The following ASPRV1 variants were observed in gnomAD, a reference collection of about 807,000 sequenced individuals.
ASPRV1 encodes the protein retroviral-like aspartic protease 1.
A neutral mutation model predicts 11.0 loss-of-function variants in ASPRV1; 7 were observed. The ratio of observed to expected loss-of-function variants is 0.64; its 90% CI spans 0.36 to 1.20. The LOEUF (loss-of-function observed/expected upper bound fraction) is 1.20. Among genes scored for constraint, ASPRV1 ranks in the 50% most tolerant of loss-of-function variants. The probability of loss-of-function intolerance (pLI) is 0.02; values close to 1 mark genes in which losing one functional copy is unlikely to be tolerated. For missense variants in ASPRV1, 299 were observed against 320.0 expected (o/e 0.93, Z 0.50); for synonymous variants, 136 against 138.4 (o/e 0.98, Z 0.12).
At chr2:70,014,482 TC>T in the ASPRV1 span, 2 of 152,134 alleles carry the variant, frequency 1.3e-5, no homozygotes, top group African/African-American at 4.8e-5. Context: ...CTTAAAAATT[TC>T]TGTGCAACAG....
At chr2:70,084,857 C>T in the ASPRV1 span, among the ~76,000 whole-genome samples, 1 of 152,128 alleles carries the variant, frequency 6.6e-6, no homozygotes, top group East Asian at 1.9e-4. Flanking sequence ...GTCATCGTTG[C>T]TGTTATGTAC....
the ASPRV1 span, among the ~76,000 whole-genome samples, chr2:70,007,518 C>CA: frequency 1.4e-3 from 189 of 130,466 alleles, 2 homozygotes; most frequent in South Asian, 9.5e-4. Flanking sequence ...AACCCTGCCT[C>CA]AAAAAAAAAA....
the ASPRV1 span, among the ~76,000 whole-genome samples, chr2:70,042,129 T>C: frequency 1.3e-5 from 2 of 152,218 alleles, no homozygotes; most frequent in East Asian, 1.9e-4. Context: ...TTAAATACGT[T>C]TGAAAAATGT....
the ASPRV1 span, chr2:70,000,480 G>A: frequency 6.6e-6 from 1 of 151,320 alleles, no homozygotes; most frequent in African/African-American, 2.4e-5. Flanking sequence ...GAAAAATGGA[G>A]AAATATATCA....
chr2:70,053,319 A>G, the ASPRV1 span, among the ~76,000 whole-genome samples: 1 of 152,066 alleles, frequency 6.6e-6, no homozygotes, highest in East Asian at 1.9e-4. Flanking sequence ...GAAACTTCCC[A>G]AAGGTGAAAT....
chr2:69,937,783 T>A, the ASPRV1 span, among the ~76,000 whole-genome samples: 1 of 152,006 alleles, frequency 6.6e-6, no homozygotes, highest in Non-Finnish European at 1.5e-5. Flanking sequence ...CCTGGCAAAT[T>A]TTCCTATTTT....
chr2:70,040,105 G>T, the ASPRV1 span, among the ~76,000 whole-genome samples: 4 of 152,310 alleles, frequency 2.6e-5, no homozygotes, highest in African/African-American at 9.6e-5. Context: ...AAGAAACTCA[G>T]AAGAGAGAAA....
the ASPRV1 span, among the ~76,000 whole-genome samples, chr2:69,971,614 T>A: frequency 1.3e-5 from 2 of 152,236 alleles, no homozygotes; most frequent in Non-Finnish European, 2.9e-5. Context: ...AGATTCATTA[T>A]AATTAGATTC....
the ASPRV1 span, chr2:69,996,843 A>G: frequency 2.4e-6 from 1 of 422,462 alleles, no homozygotes. Context: ...ATGCTGATGG[A>G]TAAGGGTTAA....
At chr2:69,992,845 A>T in the ASPRV1 span, among the ~76,000 whole-genome samples, 1 of 152,242 alleles carries the variant, frequency 6.6e-6, no homozygotes, top group Non-Finnish European at 1.5e-5. Context: ...TAGGATGTGC[A>T]ATGCATTACA....
the ASPRV1 span, among the ~76,000 whole-genome samples, chr2:70,084,953 A>T: frequency 2.0e-5 from 3 of 152,230 alleles, no homozygotes; most frequent in Non-Finnish European, 2.9e-5. Context: ...AAAGGCAAAA[A>T]GCCCTTCTCT....
the ASPRV1 span, among the ~76,000 whole-genome samples, chr2:69,945,868 C>T: frequency 4.0e-4 from 61 of 152,178 alleles, no homozygotes; most frequent in Non-Finnish European, 7.4e-4. Flanking sequence ...CTAGGATGCT[C>T]TTGGCCTTGC....
At chr2:69,999,875 C>T in the ASPRV1 span, among the ~76,000 whole-genome samples, 105 of 151,852 alleles carry the variant, frequency 6.9e-4, 1 homozygote, top group Admixed American at 3.3e-4. Flanking sequence ...CTGTGAGTCA[C>T]CCCGGGCTCC....
chr2:69,958,814 GCCTTCTCCAGTTCTCTCACCC>G (rs1452600561), downstream of ASPRV1, among the ~76,000 whole-genome samples: 1 of 152,070 alleles, frequency 6.6e-6, no homozygotes, highest in Non-Finnish European at 1.5e-5. Context: ...TTCCCCCATC[GCCTTCTCCAGTTCTCTCACCC>G]CCTTCTCCAG....
chr2:69,948,244 T>C, the ASPRV1 span, among the ~76,000 whole-genome samples: 1 of 152,120 alleles, frequency 6.6e-6, no homozygotes, highest in Non-Finnish European at 1.5e-5. Context: ...TGAGACCCTG[T>C]CTCAAACAAA....
chr2:70,062,529 G>A, the ASPRV1 span, among the ~76,000 whole-genome samples: 1 of 152,162 alleles, frequency 6.6e-6, no homozygotes, highest in African/African-American at 2.4e-5. Context: ...CATAGCTCTA[G>A]GAACAAGGCT....
chr2:70,021,298 C>G, the ASPRV1 span, among the ~76,000 whole-genome samples: 1 of 150,994 alleles, frequency 6.6e-6, no homozygotes, highest in Non-Finnish European at 1.5e-5. Context: ...ATCCATTGTT[C>G]TGTACGCAAG....
At chr2:69,961,770 A>C (rs1572876419), upstream of ASPRV1, 1 of 1,428,362 alleles carries the variant, frequency 7.0e-7, no homozygotes. Flanking sequence ...TGGGTGCCTC[A>C]CCCTCTGCAT....
the ASPRV1 span, among the ~76,000 whole-genome samples, chr2:69,971,690 G>T: frequency 2.0e-5 from 3 of 152,238 alleles, no homozygotes; most frequent in African/African-American, 7.2e-5. Context: ...GAGATGTGAG[G>T]CGGCTTTGCC....
Sources: allele counts gnomAD v4.1 joint callset (sites outside exome capture counted in the v4.1 genomes callset), GRCh38; gene constraint gnomAD v4.1.1; transcripts MANE v1.5; gene names NCBI Gene and HGNC (gene_info 2026-07-23, HGNC 2026-07-21).